PRKAG2: variants seen among roughly 807,000 people sequenced by gnomAD.
The protein encoded by PRKAG2 is protein kinase AMP-activated non-catalytic subunit gamma 2, also known as 5'-AMP-activated protein kinase subunit gamma-2.
A neutral mutation model predicts 69.6 loss-of-function variants in PRKAG2; 26 were observed. The observed-to-expected ratio is 0.37, with a 90% confidence interval of 0.27 to 0.52. PRKAG2 has a LOEUF of 0.52. PRKAG2 is among the 20% of genes least tolerant of loss of function. The pLI is 0.90. For missense variants in PRKAG2, 557 were observed against 740.0 expected (o/e 0.75, Z 2.87); for synonymous variants, 293 against 285.0 (o/e 1.03, Z -0.28).
chr7:151,631,893 G>T, intron 5 of PRKAG2, 176 bp downstream of exon 5: 1 of 558,254 alleles, frequency 1.8e-6, no homozygotes, highest in Non-Finnish European at 2.7e-6. Context: ...CCCGCAGCCC[G>T]AGCTCGCCGG....
At chr7:151,688,340 C>T (rs538742654) in intron 3 of PRKAG2, among the ~76,000 whole-genome samples, 5 of 152,326 alleles carry the variant, frequency 3.3e-5, no homozygotes, top group East Asian at 1.9e-4. Context: ...TTGATCTCTT[C>T]GAGATGCCTG....
chr7:151,859,442 A>G (rs2079863008), intron 1 of PRKAG2, among the ~76,000 whole-genome samples: 2 of 152,370 alleles, frequency 1.3e-5, no homozygotes, highest in South Asian at 4.1e-4. Context: ...CTGGCCAGGA[A>G]TCATGGTCTT....
intron 3 of PRKAG2, among the ~76,000 whole-genome samples, chr7:151,726,502 G>A (rs771868917): frequency 5.9e-5 from 9 of 151,974 alleles, no homozygotes; most frequent in African/African-American, 1.2e-4. Context: ...GCACACCAAC[G>A]CACAAGAGTG....
intron 4 of PRKAG2, among the ~76,000 whole-genome samples, chr7:151,662,905 T>C (rs1296211177): frequency 1.3e-5 from 2 of 151,858 alleles, no homozygotes; most frequent in African/African-American, 4.8e-5. Flanking sequence ...AACAAACAAA[T>C]ACATAAAACA....
At chr7:151,824,492 C>T (rs6978617) in intron 1 of PRKAG2, among the ~76,000 whole-genome samples, 16,034 of 152,142 alleles carry the variant, frequency 0.11, 996 homozygotes, top group East Asian at 0.24. Flanking sequence ...TAATGAGATC[C>T]TAGTAGCCTC....
At chr7:151,579,749 A>AC (rs1213802393) in intron 6 of PRKAG2, among the ~76,000 whole-genome samples, 1 of 152,138 alleles carries the variant, frequency 6.6e-6, no homozygotes, top group African/African-American at 2.4e-5. Context: ...AGAAAACCAC[A>AC]CCTAAGCACG....
chr7:151,674,761 CTT>C (rs5888446), intron 4 of PRKAG2, among the ~76,000 whole-genome samples: 2 of 148,130 alleles, frequency 1.4e-5, no homozygotes, highest in Admixed American at 6.7e-5. Flanking sequence ...TTCTGTTTTA[CTT>C]TTTTTTTTTG....
At chr7:151,721,168 G>A (rs1255108056) in intron 3 of PRKAG2, among the ~76,000 whole-genome samples, 4 of 152,078 alleles carry the variant, frequency 2.6e-5, no homozygotes, top group Non-Finnish European at 2.9e-5. Context: ...AGGCATGGGA[G>A]CCAGAACCCT....
intron 3 of PRKAG2, among the ~76,000 whole-genome samples, chr7:151,705,398 G>A (rs903735217): frequency 4.6e-5 from 7 of 152,230 alleles, no homozygotes; most frequent in South Asian, 4.2e-4. Context: ...TAATCCAGCC[G>A]GGAAAGTTGG....
chr7:151,763,408 G>T (rs2075547559), intron 3 of PRKAG2, among the ~76,000 whole-genome samples: 1 of 152,198 alleles, frequency 6.6e-6, no homozygotes. Flanking sequence ...CCATCATGTG[G>T]TCCCACCCTG....
At chr7:151,813,444 G>A (rs12540943) in intron 1 of PRKAG2, among the ~76,000 whole-genome samples, 19,235 of 147,184 alleles carry the variant, frequency 0.13, 1,471 homozygotes, top group Admixed American at 0.16. Context: ...CCGAATCACA[G>A]ACTTGAAGCA....
At chr7:151,572,232 A>G (rs1282619353) in intron 9 of PRKAG2, among the ~76,000 whole-genome samples, 3 of 148,428 alleles carry the variant, frequency 2.0e-5, no homozygotes, top group African/African-American at 7.5e-5. Context: ...TTTCTCCACA[A>G]TTTGTAAAGA....
chr7:151,844,626 T>C (rs1033599820), intron 1 of PRKAG2, among the ~76,000 whole-genome samples: 1 of 152,194 alleles, frequency 6.6e-6, no homozygotes, highest in East Asian at 1.9e-4. Context: ...GTGAGCACTA[T>C]GCAAACACGA....
chr7:151,557,890 AC>A (rs140079418), intron 15 of PRKAG2: 1 of 977,366 alleles, frequency 1.0e-6, no homozygotes, highest in Non-Finnish European at 1.2e-6. Context: ...AAAAAAAAAA[AC>A]AAAAAAACAA....
chr7:151,610,876 T>C (rs1818664782), intron 5 of PRKAG2, among the ~76,000 whole-genome samples: 1 of 151,094 alleles, frequency 6.6e-6, no homozygotes, highest in Admixed American at 6.6e-5. Context: ...CTTAGCTTCC[T>C]GAGTAGCTGG....
chr7:151,756,088 C>T lies in PRKAG2; in HGVS notation c.466+25064G>A, dbSNP rs1001160758. Among the ~76,000 whole-genome samples, 1 of 152,170 alleles carries T rather than the reference C, an allele frequency of 6.6e-6. No individual in the cohort carries two copies. The highest frequency in any genetic ancestry group is 2.4e-5 in the African/African-American group (1 of 41,432). The stretch of plus-strand genomic sequence containing the variant: ...GGTCTCCTCCTCTTCTCAGGCCTCT[C>T]CCCCTGGACCACCAGTGATGCCGGC... On this transcript the variant is annotated intron_variant, in intron 3 of 15. Transcript: ENST00000287878. The surrounding 1 kb of genome is among the most constrained non-coding windows in gnomAD (Gnocchi z 4.9).
chr7:151,722,344 C>A (rs1032876659), intron 3 of PRKAG2, among the ~76,000 whole-genome samples: 1 of 152,182 alleles, frequency 6.6e-6, no homozygotes. Flanking sequence ...CTGCCAACCT[C>A]ACCTTAGGAA....
chr7:151,565,917 C>T, intron 11 of PRKAG2, 32 bp from the exon 12 acceptor site: 9 of 1,591,770 alleles, frequency 5.7e-6, no homozygotes, highest in Non-Finnish European at 7.8e-6. Context: ...ACGTTCTAGA[C>T]CCAGAACACA....
intron 6 of PRKAG2, among the ~76,000 whole-genome samples, chr7:151,592,795 G>A (rs112718832): frequency 1.1e-4 from 17 of 152,156 alleles, no homozygotes; most frequent in African/African-American, 3.4e-4. Flanking sequence ...TTTTGGGTAC[G>A]CGGCTATTTT....
Sources: allele counts gnomAD v4.1 joint callset (sites outside exome capture counted in the v4.1 genomes callset), GRCh38; gene constraint gnomAD v4.1.1; non-coding constraint Gnocchi (gnomAD v3.1); transcripts MANE v1.5; gene names NCBI Gene and HGNC (gene_info 2026-07-23, HGNC 2026-07-21).